Variants in PPARGC1B observed in about 807,000 individuals in gnomAD.
PPARGC1B encodes PPARG coactivator 1 beta.
Under a neutral mutation model 101.6 loss-of-function variants are expected in PPARGC1B, and 34 were observed. The observed-to-expected ratio is 0.33, with a 90% CI of 0.25 to 0.45. The LOEUF is 0.45. PPARGC1B is among the 20% of genes least tolerant of loss of function. The probability of loss-of-function intolerance (pLI) is 1.00; values close to 1 mark genes in which losing one functional copy is unlikely to be tolerated. For missense variants in PPARGC1B, 1,234 were observed against 1,317.6 expected (o/e 0.94, Z 0.98); for synonymous variants, 548 against 539.3 (o/e 1.02, Z -0.22).
chr5:149,819,491 T>G (rs1561582677), intron 1 of PPARGC1B, among the ~76,000 whole-genome samples: 3 of 148,768 alleles, frequency 2.0e-5, no homozygotes, highest in Non-Finnish European at 3.0e-5. Flanking sequence ...TTTGTTTGTT[T>G]TTGTTTTTTT....
At chr5:149,784,444 T>A (rs1164193693) in intron 1 of PPARGC1B, among the ~76,000 whole-genome samples, 1 of 151,886 alleles carries the variant, frequency 6.6e-6, no homozygotes, top group Non-Finnish European at 1.5e-5. Context: ...GGCCCCCTGG[T>A]CTTGGGGCAG....
chr5:149,780,419 A>G (rs1756554960), intron 1 of PPARGC1B, among the ~76,000 whole-genome samples: 1 of 152,154 alleles, frequency 6.6e-6, no homozygotes, highest in Non-Finnish European at 1.5e-5. Flanking sequence ...CCAGCTCTCC[A>G]CTGTCTCAGC....
At chr5:149,736,322 T>C (rs1398475508) in intron 1 of PPARGC1B, among the ~76,000 whole-genome samples, 2 of 152,164 alleles carry the variant, frequency 1.3e-5, no homozygotes, top group East Asian at 3.9e-4. Flanking sequence ...TGAAGCACTT[T>C]AGAAGGACAG....
Position 149,760,095 on chromosome 5 carries a change from G to A in PPARGC1B, c.78+29675G>A, listed in dbSNP as rs376837765. ...GCTGCAAGAGCCAAGGATGCCCTAG[G>A]GACACTTATCTGGTTCATTCCTTAC... On this transcript the variant is annotated intron_variant, in intron 1 of 11. Coordinates refer to ENST00000309241, the MANE Select transcript of PPARGC1B (RefSeq NM_133263.4). Among the ~76,000 whole-genome samples, 20 of 152,290 alleles carry A rather than the reference G, an allele frequency of 1.3e-4. No individual in the cohort carries two copies. The East Asian group carries it at 2.9e-3, about 22-fold the overall frequency.
At chr5:149,775,495 G>A (rs746925666) in intron 1 of PPARGC1B, among the ~76,000 whole-genome samples, 3 of 152,082 alleles carry the variant, frequency 2.0e-5, no homozygotes, top group African/African-American at 4.8e-5. Context: ...GCTGAGATGC[G>A]CCTTTCAGCA....
chr5:149,821,447 G>A (rs529165725), intron 2 of PPARGC1B, among the ~76,000 whole-genome samples: 12 of 151,586 alleles, frequency 7.9e-5, no homozygotes, highest in African/African-American at 2.2e-4. Flanking sequence ...GGGAGTGTGC[G>A]GCCTAGAGGG....
chr5:149,799,487 C>T (rs1260719221), intron 1 of PPARGC1B, among the ~76,000 whole-genome samples: 4 of 152,042 alleles, frequency 2.6e-5, no homozygotes, highest in Admixed American at 2.6e-4. Flanking sequence ...GGCTTAGGCT[C>T]GATTGAAGGG....
intron 1 of PPARGC1B, among the ~76,000 whole-genome samples, chr5:149,765,807 G>A (rs897498438): frequency 6.2e-5 from 9 of 145,176 alleles, no homozygotes; most frequent in African/African-American, 2.3e-4. Context: ...CTTGCAGTGA[G>A]CTGAGATCGC....
Position 149,796,251 on chromosome 5 carries a change from G to C in PPARGC1B, c.79-24182G>C, listed in dbSNP as rs188478688. ...GGGCCTGTTGGAGGAGGTGACATTT[G>C]ATCTAAACATCAGAAAGTAACCAGC... On this transcript the variant is annotated intron_variant, in intron 1 of 11. Transcript: ENST00000309241. Among the ~76,000 whole-genome samples, 10 of 152,262 alleles carry C rather than the reference G, an allele frequency of 6.6e-5. No individual in the cohort carries two copies. In the East Asian group the frequency reaches 1.9e-3, roughly 29 times the overall value.
Position 149,847,704 on chromosome 5 carries a change from T to TAAAAAAA in PPARGC1B, c.*154_*160dup. On this transcript the variant is annotated 3_prime_UTR_variant, in exon 12 of 12. Transcript: ENST00000309241. Reference sequence around the variant, plus strand: ...AGAGAGACTTGAAACTGCTGTCCTTTAAAAAAAAAAAAAATCAATGTTTAC... The same window carrying TAAAAAAA: ...AGAGAGACTTGAAACTGCTGTCCTTTAAAAAAAAAAAAAAAAAAAAATCAATGTTTAC... 1 of 499,934 alleles carries TAAAAAAA rather than the reference T, an allele frequency of 2.0e-6. No individual in the cohort carries two copies. The highest frequency in any genetic ancestry group is 3.6e-6 in the Non-Finnish European group (1 of 278,198). The allele number at this position is 499,934 out of a possible 1,614,324, so 31.0% of individuals were successfully genotyped here.
At chr5:149,786,193 A>G (rs1359092565) in intron 1 of PPARGC1B, among the ~76,000 whole-genome samples, 3 of 152,020 alleles carry the variant, frequency 2.0e-5, no homozygotes, top group Admixed American at 1.3e-4. Flanking sequence ...CCTGGGTTCA[A>G]GCAATTCTCC....
At chr5:149,731,227 C>G (rs1250049635) in intron 1 of PPARGC1B, among the ~76,000 whole-genome samples, 1 of 152,154 alleles carries the variant, frequency 6.6e-6, no homozygotes, top group Non-Finnish European at 1.5e-5. Context: ...AGAGGGTGCT[C>G]TGGTGTGCCG....
In PPARGC1B at chr5:149,836,860, G is replaced by A; in HGVS notation, c.2405G>A (p.Ser802Asn). 6.2e-7 allele frequency: 1 copy of A among 1,613,036 alleles called. No individual in the cohort carries two copies. The highest frequency in any genetic ancestry group is 8.5e-7 in the Non-Finnish European group (1 of 1,179,996). ...FEDSSSSSGE[S>N]SFLPEEEEEE... ...GACAGCAGCAGCAGCAGCGGCGAGA[G>A]CAGCTTCCTCCCAGAGGAGGAAGAG... Residue 802 changes from serine (S) to asparagine (N), a missense_variant, in exon 8 of 12, where the codon AGC becomes AAC. Coordinates refer to ENST00000309241, the MANE Select transcript of PPARGC1B (RefSeq NM_133263.4).
At chr5:149,813,771 A>G (rs949793490) in intron 1 of PPARGC1B, among the ~76,000 whole-genome samples, 1 of 152,210 alleles carries the variant, frequency 6.6e-6, no homozygotes, top group African/African-American at 2.4e-5. Context: ...TACACAACAG[A>G]ACTTTATTTC....
chr5:149,822,478 G>A (rs1758340720), intron 2 of PPARGC1B, among the ~76,000 whole-genome samples: 1 of 152,200 alleles, frequency 6.6e-6, no homozygotes, highest in African/African-American at 2.4e-5. Context: ...CTGTGCATGT[G>A]ACTGGGGCCT....
intron 1 of PPARGC1B, among the ~76,000 whole-genome samples, chr5:149,753,118 C>G (rs1489672856): frequency 6.6e-6 from 1 of 152,130 alleles, no homozygotes; most frequent in Non-Finnish European, 1.5e-5. Context: ...TCTTAAAGAT[C>G]ATTTCGTATC....
chr5:149,817,108 T>G (rs532551089), intron 1 of PPARGC1B, among the ~76,000 whole-genome samples: 1 of 152,284 alleles, frequency 6.6e-6, no homozygotes, highest in African/African-American at 2.4e-5. Context: ...ACGGGGGTCT[T>G]TGCCTCTGAC....
chr5:149,824,961 C>T (rs1402458220), intron 2 of PPARGC1B, among the ~76,000 whole-genome samples: 1 of 152,076 alleles, frequency 6.6e-6, no homozygotes, highest in Non-Finnish European at 1.5e-5. Flanking sequence ...AGATTTAGTG[C>T]AGCCAAAAGG....
Position 149,838,496 on chromosome 5 carries a change from G to C in PPARGC1B, c.2618+1423G>C, listed in dbSNP as rs530766115. Among the ~76,000 whole-genome samples the C allele has an allele frequency of 2.6e-5, 4 of 152,284 alleles. No individual in the cohort carries two copies. The East Asian group carries it at 7.7e-4, about 29-fold the overall frequency. On this transcript the variant is annotated intron_variant, in intron 8 of 11. Transcript: ENST00000309241. The stretch of plus-strand genomic sequence containing the variant: ...GTCCAATGTCAAAGGTTTGGCTTCA[G>C]CCTTGCTTTGCTGTGAGCTAAAGCA...
Sources: gnomAD v4.1 joint callset for allele counts (sites outside exome capture counted in the v4.1 genomes callset) on GRCh38, gnomAD v4.1.1 for gene constraint, MANE v1.5 for transcripts, NCBI Gene and HGNC (gene_info 2026-07-23, HGNC 2026-07-21) for gene names.